Variants in WDR75 observed in about 807,000 individuals in gnomAD.
The protein encoded by WDR75 is WD repeat-containing protein 75.
In WDR75, 52 loss-of-function variants were observed where a neutral mutation model predicts 106.1. That is an observed-to-expected ratio of 0.49 (90% CI 0.39 to 0.62). The LOEUF is 0.62. Ranked by LOEUF, WDR75 falls within the 20% of genes least tolerant of loss-of-function variation. The pLI, the probability that WDR75 is intolerant of heterozygous loss-of-function variation, is 0.00. For missense variants in WDR75, 905 were observed against 970.3 expected (o/e 0.93, Z 0.89); for synonymous variants, 333 against 335.5 (o/e 0.99, Z 0.08).
chr2:189,470,236 A>G lies in WDR75; in HGVS notation c.1980A>G (p.Thr660=). Residue 660 remains threonine (T), a synonymous_variant, in exon 17 of 21, where the codon ACA becomes ACG. Coordinates refer to ENST00000314761, the MANE Select transcript of WDR75 (RefSeq NM_032168.3). ...WLNRSQFYFL[T]KSQSLLTFST... ...ATAGATCCCAGTTTTACTTCCTAAC[A>G]AAATCACAGGTAACTGCCTCCCTCA... 1 of 1,610,788 alleles carries G rather than the reference A, an allele frequency of 6.2e-7. No homozygotes were observed. Among genetic ancestry groups the G allele is most frequent in the South Asian group, 1.1e-5 (1 of 90,496 alleles).
rs1201096411 is a variant in WDR75, at chr2:189,470,892, A to G, written c.2049+14A>G. 1.9e-6 allele frequency: 3 copies of G among 1,589,910 alleles called. No homozygotes were observed. Among genetic ancestry groups the G allele is most frequent in the South Asian group, 2.3e-5 (2 of 86,962 alleles). On this transcript the variant is annotated intron_variant, in intron 18 of 20. Transcript: ENST00000314761. ...ACAAGCAAACAGGTATGTTTTAGCC[A>G]TTCATAGCAGGATGTATTGCCTCCC...
In WDR75 at chr2:189,441,514, C is replaced by A. The variant is rs890168378; in HGVS notation, c.22C>A (p.Arg8Ser). 1 of 1,566,114 alleles carries A rather than the reference C, an allele frequency of 6.4e-7. No homozygotes were observed. The highest frequency in any genetic ancestry group is 1.2e-5 in the South Asian group (1 of 85,090). Residue 8 changes from arginine (R) to serine (S), a missense_variant, in exon 1 of 21, where the codon CGC (arginine) becomes AGC (serine). Physicochemically the swap from Arg to Ser is moderately radical, Grantham distance 110. Transcript: ENST00000314761. ...AAAGATGGTGGAGGAGGAGAACATCCGCGTGGTTCGTTGTGGCGGCAGCGA... is the reference window on the plus strand; with the variant it reads ...AAAGATGGTGGAGGAGGAGAACATCAGCGTGGTTCGTTGTGGCGGCAGCGA... MVEEENI[R>S]VVRCGGSELN...
Position 189,441,510 on chromosome 2 carries a change from C to A in WDR75, c.18C>A (p.Asn6Lys), listed in dbSNP as rs1206992529. 6.4e-7 allele frequency: 1 copy of A among 1,565,504 alleles called. No individual in the cohort carries two copies. Among genetic ancestry groups the A allele is most frequent in the Non-Finnish European group, 8.7e-7 (1 of 1,153,662 alleles). The change falls in exon 1 of 21, where the codon AAC becomes AAA. Residue 6 changes from asparagine to lysine, a missense_variant. Physicochemically the swap from Asn to Lys is moderately conservative, Grantham distance 94. Transcript: ENST00000314761. MVEEENIRVVRCGGSE... is the reference protein window; with the variant it reads MVEEEKIRVVRCGGSE... ...GCGCAAAGATGGTGGAGGAGGAGAA[C>A]ATCCGCGTGGTTCGTTGTGGCGGCA...
At chr2:189,473,796 T>C (rs997888998) in intron 18 of WDR75, among the ~76,000 whole-genome samples, 6 of 152,234 alleles carry the variant, frequency 3.9e-5, no homozygotes, top group African/African-American at 1.4e-4. Context: ...GAATTGTGCT[T>C]TCTCAGGTCT....
intron 4 of WDR75, among the ~76,000 whole-genome samples, chr2:189,454,741 T>C (rs766614763): frequency 1.4e-4 from 22 of 152,112 alleles, no homozygotes; most frequent in Non-Finnish European, 2.6e-4. Context: ...GCCAGGATGG[T>C]CTCGATCTCC....
intron 1 of WDR75, 47 bp downstream of exon 1, chr2:189,441,625 T>A (rs1249767253): frequency 6.5e-7 from 1 of 1,540,136 alleles, no homozygotes; most frequent in African/African-American, 1.4e-5. Context: ...GGGCGTGAGT[T>A]TCTCGAGGGT....
At chr2:189,450,404 G>T in intron 2 of WDR75, 1 of 956,984 alleles carries the variant, frequency 1.0e-6, no homozygotes, top group Non-Finnish European at 1.2e-6. Context: ...TGTCTCCCAG[G>T]CTGGAGTACA....
intron 8 of WDR75, among the ~76,000 whole-genome samples, chr2:189,459,707 CTAAG>C (rs1466438601): frequency 2.6e-5 from 4 of 152,142 alleles, no homozygotes; most frequent in Non-Finnish European, 5.9e-5. Context: ...GTCTACATAA[CTAAG>C]TGTGTGTGGT....
At chr2:189,446,508 C>T (rs1686503184) in intron 1 of WDR75, among the ~76,000 whole-genome samples, 1 of 152,170 alleles carries the variant, frequency 6.6e-6, no homozygotes, top group East Asian at 1.9e-4. Context: ...AACCATGCCT[C>T]CTGGCTGACA....
intron 1 of WDR75, among the ~76,000 whole-genome samples, chr2:189,442,798 A>C (rs1686410620): frequency 6.6e-6 from 1 of 152,162 alleles, no homozygotes; most frequent in South Asian, 2.1e-4. Flanking sequence ...TGTTGAAGGT[A>C]ATGCAAGCAT....
chr2:189,457,251 A>T, intron 5 of WDR75, 60 bp from the exon 6 acceptor site: 1 of 1,189,358 alleles, frequency 8.4e-7, no homozygotes, highest in African/African-American at 1.6e-5. Context: ...CAAAAAAAAA[A>T]GAAAAAAAAA....
intron 11 of WDR75, among the ~76,000 whole-genome samples, 198 bp from the exon 12 acceptor site, chr2:189,464,881 A>G (rs901521202): frequency 6.6e-6 from 1 of 152,148 alleles, no homozygotes; most frequent in Non-Finnish European, 1.5e-5. Context: ...TGATACTATT[A>G]TAATGTGTTC....
Position 189,455,302 on chromosome 2 carries a change from A to G in WDR75, c.374-18A>G. 1.2e-6 allele frequency: 2 copies of G among 1,609,950 alleles called. No individual in the cohort carries two copies. Among genetic ancestry groups the G allele is most frequent in the Non-Finnish European group, 1.7e-6 (2 of 1,178,906 alleles). Reference sequence around the variant, plus strand: ...CTCTCTAGAGAAGCTTTATATTAATATAGCTTTCTTTGGCTAGATATATTT... The same window carrying G: ...CTCTCTAGAGAAGCTTTATATTAATGTAGCTTTCTTTGGCTAGATATATTT... On this transcript the variant is annotated intron_variant, in intron 4 of 20. Coordinates refer to ENST00000314761, the MANE Select transcript of WDR75 (RefSeq NM_032168.3).
In WDR75 at chr2:189,465,060, G is replaced by GT. The variant is rs1250429367; in HGVS notation, c.1114-19_1114-18insT. ...ATGTTAATAAACATTTTGGTTTTTT[G>GT]GTTTTTTTTACTCATCAGTTAGATA... On this transcript the variant is annotated intron_variant, in intron 11 of 20. Transcript: ENST00000314761. The GT allele has an allele frequency of 3.3e-6, 5 of 1,535,238 alleles. No individual in the cohort carries two copies. The highest frequency in any genetic ancestry group is 4.4e-6 in the Non-Finnish European group (5 of 1,138,838).
chr2:189,458,609 A>G, intron 6 of WDR75, 144 bp from the exon 7 acceptor site: 1 of 596,438 alleles, frequency 1.7e-6, no homozygotes. Flanking sequence ...TTTTCTTTTT[A>G]AAAAAAATCC....
chr2:189,474,687 A>G (rs1386114766), intron 19 of WDR75, 30 bp from the exon 20 acceptor site: 2 of 1,594,052 alleles, frequency 1.3e-6, no homozygotes, highest in Non-Finnish European at 8.6e-7. Context: ...AAGCTTTTTA[A>G]TTGCAACCGT....
Position 189,463,696 on chromosome 2 carries a change from A to T in WDR75, c.940A>T (p.Ile314Leu). ...LFCTSHSDNK[I>L]IIIHRNLEAS... ...TACCTATTTTTTTCTACCCACAGAG[A>T]TAATAATTATTCACCGAAACCTTGA... Residue 314 changes from isoleucine (I) to leucine (L), a missense_variant and splice_region_variant, in exon 10 of 21, where the codon ATA (isoleucine) becomes TTA (leucine). Transcript: ENST00000314761. The T allele has an allele frequency of 2.5e-6, 4 of 1,613,768 alleles. No individual in the cohort carries two copies. The South Asian group carries it at 4.4e-5, about 18-fold the overall frequency.
rs377539353 is a variant in WDR75, at chr2:189,459,232, G to A, written c.690-104G>A. 1.3e-5 allele frequency: 11 copies of A among 823,886 alleles called. No individual in the cohort carries two copies. The African/African-American group carries it at 1.8e-4, about 13-fold the overall frequency. 51.0% of individuals were successfully genotyped at this position (823,886 alleles called of 1,614,324 possible). On this transcript the variant is annotated intron_variant, in intron 7 of 20. Transcript: ENST00000314761. ...TTAAGACCAGAAGCCTTTATATTAT[G>A]ATTTAGTATGTTTGGTATATATTAT...
In WDR75 at chr2:189,456,271, C is replaced by CATTT. The variant is rs1686734430; in HGVS notation, c.498+829_498+832dup. Among the ~76,000 whole-genome samples the CATTT allele has an allele frequency of 3.3e-5, 5 of 152,112 alleles. No individual in the cohort carries two copies. The South Asian group carries it at 1.0e-3, about 32-fold the overall frequency. Reference sequence around the variant, plus strand: ...ACAGGATATAGAGCAAAGTTAAATACATTTACCTAGCGATTCCATTCCTAC... The same window carrying CATTT: ...ACAGGATATAGAGCAAAGTTAAATACATTTATTTACCTAGCGATTCCATTCCTAC... On this transcript the variant is annotated intron_variant, in intron 5 of 20. Coordinates refer to ENST00000314761, the MANE Select transcript of WDR75 (RefSeq NM_032168.3).
Sources: gnomAD v4.1 joint callset for allele counts (sites outside exome capture counted in the v4.1 genomes callset) on GRCh38, gnomAD v4.1.1 for gene constraint, MANE v1.5 for transcripts, NCBI Gene and HGNC (gene_info 2026-07-23, HGNC 2026-07-21) for gene names.